The following PAX3 variants were observed in gnomAD, a reference collection of about 807,000 sequenced individuals.
PAX3 encodes paired box protein Pax-3.
Under a neutral mutation model 51.6 loss-of-function variants are expected in PAX3, and 14 were observed. The observed-to-expected ratio is 0.27, with a 90% CI of 0.18 to 0.42. The LOEUF is 0.42. Ranked by LOEUF, PAX3 falls within the 10% of genes least tolerant of loss-of-function variation. The pLI is 1.00. For missense variants in PAX3, 540 were observed against 642.8 expected (o/e 0.84, Z 1.73); for synonymous variants, 280 against 253.4 (o/e 1.11, Z -1.00).
At chr2:222,265,029 C>G (rs183610556) in intron 4 of PAX3, 176 of 152,346 alleles carry the variant, frequency 1.2e-3, no homozygotes, top group African/African-American at 4.0e-3. Context: ...GACCATCCCC[C>G]GCATTCCCAC....
chr2:222,297,728 G>A (rs995267664), intron 1 of PAX3, among the ~76,000 whole-genome samples: 5 of 152,256 alleles, frequency 3.3e-5, no homozygotes, highest in African/African-American at 4.8e-5. Flanking sequence ...GGCCCAAGCA[G>A]CAGTGCCTGT....
At chr2:222,227,496 G>A (rs1692428624) in intron 5 of PAX3, among the ~76,000 whole-genome samples, 1 of 152,106 alleles carries the variant, frequency 6.6e-6, no homozygotes. Flanking sequence ...GGAGACTGAG[G>A]CGGGAGGATC....
At chr2:222,203,021 A>ATATATC (rs1264127463) in intron 7 of PAX3, among the ~76,000 whole-genome samples, 4 of 91,944 alleles carry the variant, frequency 4.4e-5, no homozygotes, top group African/African-American at 2.3e-4. Context: ...TCATATATAT[A>ATATATC]TATATATATA....
chr2:222,266,832 T>G (rs1694071072), intron 4 of PAX3, among the ~76,000 whole-genome samples: 6 of 152,206 alleles, frequency 3.9e-5, no homozygotes, highest in Admixed American at 3.9e-4. Context: ...TCCCAGGAAT[T>G]CCTTATGTAC....
intron 4 of PAX3, among the ~76,000 whole-genome samples, chr2:222,268,345 C>T (rs1694125500): frequency 6.6e-6 from 1 of 152,182 alleles, no homozygotes; most frequent in Non-Finnish European, 1.5e-5. Context: ...TGCTTGGCTT[C>T]TGTTGTTTTT....
At chr2:222,210,720 T>C (rs1160520971) in intron 7 of PAX3, among the ~76,000 whole-genome samples, 1 of 152,188 alleles carries the variant, frequency 6.6e-6, no homozygotes, top group Non-Finnish European at 1.5e-5. Context: ...TGGACATCAA[T>C]ATGAATCCTT....
intron 4 of PAX3, 182 bp downstream of exon 4, chr2:222,293,985 T>G: frequency 6.5e-7 from 1 of 1,526,976 alleles, no homozygotes; most frequent in East Asian, 2.3e-5. Flanking sequence ...TAGAAATGTT[T>G]GTTTTGATTC....
At chr2:222,202,260 G>A in intron 7 of PAX3, 70 bp from the exon 8 acceptor site, 1 of 1,168,072 alleles carries the variant, frequency 8.6e-7, no homozygotes, top group Non-Finnish European at 1.3e-6. Context: ...ACAGCTGAAA[G>A]AATAACTTGA....
At chr2:222,292,887 G>C (rs112182152) in intron 4 of PAX3, among the ~76,000 whole-genome samples, 2 of 152,216 alleles carry the variant, frequency 1.3e-5, no homozygotes, top group African/African-American at 4.8e-5. Flanking sequence ...ATCTACACTT[G>C]TTTTTCCCTC....
intron 5 of PAX3, among the ~76,000 whole-genome samples, chr2:222,229,712 T>C (rs1692514489): frequency 6.6e-6 from 1 of 152,156 alleles, no homozygotes; most frequent in South Asian, 2.1e-4. Flanking sequence ...CTCCTTACAT[T>C]CTAATCAAAC....
chr2:222,203,012 C>CATAT (rs71053057), intron 7 of PAX3, among the ~76,000 whole-genome samples: 1,944 of 40,972 alleles, frequency 0.047, 260 homozygotes, highest in East Asian at 0.09. Flanking sequence ...ACAACCATTT[C>CATAT]ATATATATAT....
chr2:222,222,046 T>C (rs999182782), intron 5 of PAX3, among the ~76,000 whole-genome samples: 3 of 152,126 alleles, frequency 2.0e-5, no homozygotes, highest in Non-Finnish European at 4.4e-5. Context: ...CAACAACAGC[T>C]TTAAGCTCCT....
chr2:222,229,603 C>T (rs1308083821), intron 5 of PAX3, among the ~76,000 whole-genome samples: 2 of 152,164 alleles, frequency 1.3e-5, no homozygotes, highest in South Asian at 2.1e-4. Flanking sequence ...CCCCCACTCC[C>T]TGTCACATCA....
intron 4 of PAX3, among the ~76,000 whole-genome samples, chr2:222,254,752 T>C (rs150375825): frequency 1.2e-3 from 178 of 152,284 alleles, no homozygotes; most frequent in African/African-American, 4.0e-3. Context: ...CTCTCATATA[T>C]TTAAGGCTCA....
chr2:222,213,965 G>C (rs1691852708), intron 7 of PAX3, among the ~76,000 whole-genome samples: 1 of 152,128 alleles, frequency 6.6e-6, no homozygotes, highest in African/African-American at 2.4e-5. Flanking sequence ...ACAAGAGAAA[G>C]GCAAGGAATT....
intron 4 of PAX3, chr2:222,262,932 A>C (rs1448310166): frequency 2.6e-5 from 4 of 152,162 alleles, no homozygotes; most frequent in Non-Finnish European, 5.9e-5. Flanking sequence ...AGATGCAAAA[A>C]ATACATTAAT....
intron 4 of PAX3, among the ~76,000 whole-genome samples, chr2:222,262,337 CAAAT>C (rs1693892617): frequency 6.6e-6 from 1 of 151,782 alleles, no homozygotes; most frequent in African/African-American, 2.4e-5. Flanking sequence ...AACAACAAAA[CAAAT>C]AAACAAAAAA....
Position 222,294,410 on chromosome 2 carries a change from C to T in PAX3, c.452-109G>A, listed in dbSNP as rs112783058. The T allele has an allele frequency of 5.2e-6, 6 of 1,143,268 alleles. No individual in the cohort carries two copies. The African/African-American group carries it at 6.1e-5, about 12-fold the overall frequency. 70.8% of individuals were successfully genotyped at this position (1,143,268 alleles called of 1,614,324 possible). ...AACACCAGCCAGGGCCCTAGAGCCG[C>T]TGCCCTGCACTGCTCGCGGGTGTCT... On this transcript the variant is annotated intron_variant, in intron 3 of 8. Transcript: ENST00000392070.
intron 4 of PAX3, among the ~76,000 whole-genome samples, chr2:222,239,256 C>A (rs1207401198): frequency 6.6e-6 from 1 of 152,040 alleles, no homozygotes; most frequent in Non-Finnish European, 1.5e-5. Flanking sequence ...ATTCAGGGTT[C>A]TGACACCTGC....
Sources: allele counts gnomAD v4.1 joint callset (sites outside exome capture counted in the v4.1 genomes callset), GRCh38; gene constraint gnomAD v4.1.1; transcripts MANE v1.5; gene names NCBI Gene and HGNC (gene_info 2026-07-23, HGNC 2026-07-21).